KLHL20: variants seen among roughly 807,000 people sequenced by gnomAD.
KLHL20 encodes kelch-like protein 20.
In KLHL20, 29 loss-of-function variants were observed where a neutral mutation model predicts 69.5. The ratio of observed to expected loss-of-function variants is 0.42; its 90% confidence interval spans 0.31 to 0.57. The LOEUF (loss-of-function observed/expected upper bound fraction) is 0.57. Among genes scored for constraint, KLHL20 ranks in the 20% least tolerant of loss-of-function variants. KLHL20 has a pLI of 0.18. For synonymous variants in KLHL20, 253 were observed against 265.2 expected (o/e 0.95, Z 0.45); for missense variants, 419 against 776.0 (o/e 0.54, Z 5.47).
At chr1:173,717,600 TA>T (rs1671528866) in intron 2 of KLHL20, among the ~76,000 whole-genome samples, 1 of 152,216 alleles carries the variant, frequency 6.6e-6, no homozygotes, top group African/African-American at 2.4e-5. Context: ...CAGTTGCTAT[TA>T]AAGAAGCTTT....
At chr1:173,723,422 T>G (rs748541230) in intron 2 of KLHL20, among the ~76,000 whole-genome samples, 72 of 151,778 alleles carry the variant, frequency 4.7e-4, no homozygotes, top group Admixed American at 9.8e-4. Flanking sequence ...AAAAATTGGT[T>G]GTTGTTGGAG....
At chr1:173,729,714 G>C (rs1168350081) in intron 2 of KLHL20, among the ~76,000 whole-genome samples, 1 of 152,124 alleles carries the variant, frequency 6.6e-6, no homozygotes, top group African/African-American at 2.4e-5. Context: ...GTATTGATGG[G>C]ACGTATCTCA....
intron 11 of KLHL20, among the ~76,000 whole-genome samples, chr1:173,784,695 T>A (rs1318069602): frequency 6.6e-6 from 1 of 152,210 alleles, no homozygotes; most frequent in Non-Finnish European, 1.5e-5. Context: ...CTGGTTTTGT[T>A]CTATAAAGGA....
intron 2 of KLHL20, 118 bp from the exon 3 acceptor site, chr1:173,733,593 TAA>T: frequency 5.9e-6 from 5 of 848,362 alleles, no homozygotes; most frequent in Non-Finnish European, 5.3e-6. Context: ...ACAAAAAATT[TAA>T]AAAAAAAATC....
chr1:173,717,792 A>C (rs1671534002), intron 2 of KLHL20, among the ~76,000 whole-genome samples: 1 of 152,214 alleles, frequency 6.6e-6, no homozygotes, highest in Non-Finnish European at 1.5e-5. Context: ...AAAACAAAAA[A>C]AATCTATGAA....
In KLHL20 at chr1:173,786,114, A is replaced by G. The variant is rs1649190474; in HGVS notation, c.*867A>G. 1.3e-5 allele frequency: 2 copies of G among 152,566 alleles called. No homozygotes were observed. The highest frequency in any genetic ancestry group is 4.8e-5 in the African/African-American group (2 of 41,590). The allele number at this position is 152,566 out of a possible 1,614,324, so 9.5% of individuals were successfully genotyped here. A position where few individuals can be genotyped will look rare whatever the true frequency, so the allele number is the denominator to read the frequency against. On this transcript the variant is annotated 3_prime_UTR_variant, in exon 12 of 12. Coordinates refer to ENST00000209884, the MANE Select transcript of KLHL20 (RefSeq NM_014458.4). ...TTATTGCTACCAAGGACCAGCAGGG[A>G]GAAATGTCTTCTCCCAGCAGTGAAT...
chr1:173,728,245 A>G (rs914443925), intron 2 of KLHL20, among the ~76,000 whole-genome samples: 6 of 152,226 alleles, frequency 3.9e-5, no homozygotes, highest in South Asian at 2.1e-4. Context: ...TCATAAAGCA[A>G]GTCCTTAGAG....
At position 173,734,095 on chromosome 1, in the gene KLHL20, G is replaced by A. The variant is rs1672416623; in HGVS notation, c.406G>A (p.Gly136Ser). ...AYTSQITVEE[G>S]NVQTLLPAAC... is the part of the protein sequence containing the mutation. ...TACCTCCCAGATAACAGTAGAAGAGGGCAATGTTCAGACTCTTCTGCCAGC... is the reference window on the plus strand; with the variant it reads ...TACCTCCCAGATAACAGTAGAAGAGAGCAATGTTCAGACTCTTCTGCCAGC... The change falls in exon 3 of 12, where the codon GGC becomes AGC. Residue 136 changes from glycine (G) to serine (S), a missense_variant. By Grantham distance (56) the Gly-to-Ser change is moderately conservative (BLOSUM62 0). This residue lies in a region of KLHL20 where 129 missense variants were observed against 183.6 expected (regional missense o/e 0.70). Coordinates refer to ENST00000209884, the MANE Select transcript of KLHL20 (RefSeq NM_014458.4). The A allele has an allele frequency of 6.2e-7, 1 of 1,614,146 alleles. No homozygotes were observed. The highest frequency in any genetic ancestry group is 8.5e-7 in the Non-Finnish European group (1 of 1,180,022).
At chr1:173,753,116 T>A (rs1673385274) in intron 4 of KLHL20, 97 bp from the exon 5 acceptor site, 2 of 930,654 alleles carry the variant, frequency 2.1e-6, no homozygotes, top group South Asian at 3.0e-5. Context: ...GAGGCTGCAG[T>A]GACCTACGAT....
intron 2 of KLHL20, among the ~76,000 whole-genome samples, chr1:173,732,092 G>T (rs981415557): frequency 6.6e-6 from 1 of 151,966 alleles, no homozygotes; most frequent in African/African-American, 2.4e-5. Flanking sequence ...AGCTACTTGG[G>T]AGGCTGAGGC....
rs1458630185 is a variant in KLHL20 at position 173,741,685 on chromosome 1, C to T, written c.597+7399C>T. The T allele has an allele frequency of 6.3e-6, 6 of 945,346 alleles. No homozygotes were observed. In the South Asian group the frequency reaches 1.6e-4, roughly 24 times the overall value. The allele number at this position is 945,346 out of a possible 1,614,324, so 58.6% of individuals were successfully genotyped here. On this transcript the variant is annotated intron_variant, in intron 3 of 11. Coordinates refer to ENST00000209884, the MANE Select transcript of KLHL20 (RefSeq NM_014458.4). ...CCTTCCCACAAGAACATGCCTCTTGCAAAGGATCTCCTTCATCCCTCTCCA... is the reference window on the plus strand; with the variant it reads ...CCTTCCCACAAGAACATGCCTCTTGTAAAGGATCTCCTTCATCCCTCTCCA...
intron 7 of KLHL20, among the ~76,000 whole-genome samples, chr1:173,762,391 C>T (rs1334698136): frequency 1.3e-5 from 2 of 152,072 alleles, no homozygotes; most frequent in African/African-American, 4.8e-5. Flanking sequence ...GTGAAGCCAG[C>T]ATCACCCTAA....
intron 11 of KLHL20, among the ~76,000 whole-genome samples, chr1:173,783,796 G>A (rs1649029369): frequency 6.6e-6 from 1 of 151,442 alleles, no homozygotes; most frequent in Non-Finnish European, 1.5e-5. Flanking sequence ...TGAACCTGGG[G>A]TCAGAGGTTG....
intron 3 of KLHL20, among the ~76,000 whole-genome samples, chr1:173,742,294 T>C (rs972823561): frequency 6.6e-6 from 1 of 152,342 alleles, no homozygotes; most frequent in South Asian, 2.1e-4. Flanking sequence ...TGAAAGGAAC[T>C]ACGGCGGTAT....
chr1:173,751,648 G>T (rs567685695), intron 3 of KLHL20, 116 bp from the exon 4 acceptor site: 4 of 887,588 alleles, frequency 4.5e-6, no homozygotes, highest in South Asian at 4.4e-5. Context: ...CTCTGGTATC[G>T]TTTGAAACTT....
At chr1:173,741,643 C>A in intron 3 of KLHL20, 2 of 512,274 alleles carry the variant, frequency 3.9e-6, no homozygotes, top group Non-Finnish European at 6.3e-6. Flanking sequence ...GTAAATCGTC[C>A]TTTCTGGTGG....
rs1336751955 is a variant in KLHL20, at chr1:173,782,239, TA to T, written c.1745+11del. The T allele has an allele frequency of 6.3e-7, 1 of 1,594,734 alleles. No homozygotes were observed. Among genetic ancestry groups the T allele is most frequent in the Non-Finnish European group, 8.6e-7 (1 of 1,162,374 alleles). Reference sequence around the variant, plus strand: ...GATGCCAATACATGGAGGTAACTTTTAAGCTGTGTAGCAAATCACCTCACTA... The same window carrying T: ...GATGCCAATACATGGAGGTAACTTTTAGCTGTGTAGCAAATCACCTCACTA... On this transcript the variant is annotated intron_variant, in intron 11 of 11. Coordinates refer to ENST00000209884, the MANE Select transcript of KLHL20 (RefSeq NM_014458.4).
Position 173,786,542 on chromosome 1 carries a change from T to C in KLHL20, c.*1295T>C, listed in dbSNP as rs558928745. The C allele has an allele frequency of 5.6e-4, 85 of 152,740 alleles. No individual in the cohort carries two copies. Among genetic ancestry groups the C allele is most frequent in the Non-Finnish European group, 9.9e-4 (67 of 68,006 alleles). The allele number at this position is 152,740 out of a possible 1,614,324, so 9.5% of individuals were successfully genotyped here. A position where few individuals can be genotyped will look rare whatever the true frequency, so the allele number is the denominator to read the frequency against. On this transcript the variant is annotated 3_prime_UTR_variant, in exon 12 of 12. Transcript: ENST00000209884. ...CTCCCTTTCCCCAACTACAAAAATG[T>C]TTGGCAACTTTGTGTTTACATTTAA...
At chr1:173,732,159 T>A (rs1165355962) in intron 2 of KLHL20, among the ~76,000 whole-genome samples, 1 of 151,082 alleles carries the variant, frequency 6.6e-6, no homozygotes, top group Admixed American at 6.6e-5. Flanking sequence ...ATTGCGCCAC[T>A]GCAGCCCAGC....
Sources: allele counts gnomAD v4.1 joint callset (sites outside exome capture counted in the v4.1 genomes callset), GRCh38; gene constraint gnomAD v4.1.1; regional missense constraint gnomAD v4.1.1; transcripts MANE v1.5; gene names NCBI Gene and HGNC (gene_info 2026-07-23, HGNC 2026-07-21).